MAGI2: variants seen among roughly 807,000 people sequenced by gnomAD.
MAGI2 encodes membrane associated guanylate kinase, WW and PDZ domain containing 2, also known as membrane-associated guanylate kinase, WW and PDZ domain-containing protein 2.
MAGI2 carries 35 observed loss-of-function variants against 133.3 expected under a neutral mutation model. That is an observed-to-expected ratio of 0.26 (90% CI 0.20 to 0.35). The LOEUF is 0.35. MAGI2 is among the 10% of genes least tolerant of loss of function. MAGI2 has a pLI of 1.00. For synonymous variants in MAGI2, 729 were observed against 710.6 expected (o/e 1.03, Z -0.41); for missense variants, 1,636 against 1,863.4 (o/e 0.88, Z 2.25).
chr7:79,030,844 A>G (rs1481949993), intron 1 of MAGI2, among the ~76,000 whole-genome samples: 1 of 152,196 alleles, frequency 6.6e-6, no homozygotes, highest in Non-Finnish European at 1.5e-5. Flanking sequence ...GATTATTTAT[A>G]TACAGCACTG....
chr7:78,301,322 A>G (rs1797801675), intron 9 of MAGI2, among the ~76,000 whole-genome samples: 1 of 152,224 alleles, frequency 6.6e-6, no homozygotes, highest in Non-Finnish European at 1.5e-5. Flanking sequence ...AATTTCAGAA[A>G]AAAAACCCTT....
chr7:79,259,423 T>G (rs1296785398), intron 1 of MAGI2, among the ~76,000 whole-genome samples: 1 of 152,216 alleles, frequency 6.6e-6, no homozygotes, highest in Non-Finnish European at 1.5e-5. Flanking sequence ...AATAATTTCT[T>G]ATGCATCATC....
At chr7:79,340,784 C>T (rs572669523) in intron 1 of MAGI2, among the ~76,000 whole-genome samples, 2 of 152,096 alleles carry the variant, frequency 1.3e-5, no homozygotes, top group East Asian at 3.9e-4. Context: ...CCAGAAGTGC[C>T]TTTGGGCTTC....
intron 4 of MAGI2, 29 bp from the exon 5 acceptor site, chr7:78,501,816 T>C (rs772882477): frequency 6.4e-7 from 1 of 1,560,036 alleles, no homozygotes; most frequent in South Asian, 1.1e-5. Context: ...ACGTGGTTAG[T>C]CACTCCAACC....
chr7:79,077,502 C>T (rs1490856177), intron 1 of MAGI2, among the ~76,000 whole-genome samples: 2 of 144,352 alleles, frequency 1.4e-5, no homozygotes, highest in Non-Finnish European at 3.0e-5. Flanking sequence ...GTGAACCTGG[C>T]CGGTGGAGCT....
chr7:78,121,403 T>C (rs1820464300), intron 20 of MAGI2, among the ~76,000 whole-genome samples: 1 of 152,098 alleles, frequency 6.6e-6, no homozygotes, highest in Non-Finnish European at 1.5e-5. Context: ...ATAATCAACA[T>C]GAAGAAATAT....
Position 78,521,493 on chromosome 7 carries a change from G to A in MAGI2, c.691C>T (p.Pro231Ser), listed in dbSNP as rs770706760. ...VSNMEKASIEPPEEEEEERPV... is the reference protein window; with the variant it reads ...VSNMEKASIESPEEEEEERPV... ...CTCTCTTCCTCTTCCTCCTCAGGAG[G>A]CTCTATACTGGCTTTCTCCATGTTG... Residue 231 changes from proline (P) to serine (S), a missense_variant, in exon 4 of 22, where the codon CCT becomes TCT. Pro to Ser is a moderately conservative substitution (Grantham distance 74). Transcript: ENST00000354212. The A allele has an allele frequency of 3.7e-6, 6 of 1,613,892 alleles. No homozygotes were observed. The African/African-American group carries it at 5.3e-5, about 14-fold the overall frequency.
At chr7:79,039,232 T>C (rs757414893) in intron 1 of MAGI2, among the ~76,000 whole-genome samples, 1 of 152,136 alleles carries the variant, frequency 6.6e-6, no homozygotes, top group Non-Finnish European at 1.5e-5. Context: ...CCTGCCGCCA[T>C]GTGAAGGACA....
intron 1 of MAGI2, among the ~76,000 whole-genome samples, chr7:79,222,379 A>G (rs1345804115): frequency 6.6e-6 from 1 of 152,112 alleles, no homozygotes; most frequent in African/African-American, 2.4e-5. Flanking sequence ...TTATTTATAC[A>G]CTTTGAAGAA....
rs751309153 is a variant in MAGI2 at position 78,369,187 on chromosome 7, C to T, written c.1072G>A (p.Asp358Asn). ...NELPYGWEKIDDPIYGTYYVD... is the reference protein window; with the variant it reads ...NELPYGWEKINDPIYGTYYVD... ...TAATAAGTGCCATAAATGGGATCAT[C>T]GATTTTTTCCCAGCCATATGGAAGC... is the stretch of plus-strand genomic sequence containing the variant. The change falls in exon 7 of 22, where the codon GAT becomes AAT. Residue 358 changes from aspartate to asparagine, a missense_variant. By Grantham distance (23) the Asp-to-Asn change is conservative. This residue lies in a region of MAGI2 where 920 missense variants were observed against 1,093.5 expected (regional missense o/e 0.84). Coordinates refer to ENST00000354212, the MANE Select transcript of MAGI2 (RefSeq NM_012301.4). 1.9e-6 allele frequency: 3 copies of T among 1,602,840 alleles called. No homozygotes were observed. Among genetic ancestry groups the T allele is most frequent in the East Asian group, 2.2e-5 (1 of 44,642 alleles).
At chr7:79,011,788 A>ATATTT (rs1207027070) in intron 1 of MAGI2, among the ~76,000 whole-genome samples, 1 of 152,024 alleles carries the variant, frequency 6.6e-6, no homozygotes, top group African/African-American at 2.4e-5. Context: ...ACTGTGGTGA[A>ATATTT]TATTTAATTT....
At chr7:78,109,947 C>A (rs1007174264) in intron 20 of MAGI2, among the ~76,000 whole-genome samples, 6 of 152,146 alleles carry the variant, frequency 3.9e-5, no homozygotes, top group African/African-American at 1.4e-4. Flanking sequence ...CAGAAAGACA[C>A]AGACTGAAGC....
chr7:78,354,613 C>A (rs1791871936), intron 7 of MAGI2, among the ~76,000 whole-genome samples: 1 of 152,096 alleles, frequency 6.6e-6, no homozygotes, highest in South Asian at 2.1e-4. Flanking sequence ...TTCCAGGTTT[C>A]CAAGACCAAC....
At chr7:78,734,506 A>G (rs879399404) in intron 2 of MAGI2, among the ~76,000 whole-genome samples, 2 of 151,812 alleles carry the variant, frequency 1.3e-5, no homozygotes, top group Admixed American at 6.6e-5. Context: ...TCAATAATTC[A>G]CCCCCTCTGT....
At chr7:78,155,298 C>T (rs907363941) in intron 16 of MAGI2, among the ~76,000 whole-genome samples, 1 of 152,132 alleles carries the variant, frequency 6.6e-6, no homozygotes, top group African/African-American at 2.4e-5. Context: ...CAGGATGCTT[C>T]CCTGTTCTCA....
intron 1 of MAGI2, among the ~76,000 whole-genome samples, chr7:79,292,244 G>A (rs1236712358): frequency 6.6e-6 from 1 of 151,920 alleles, no homozygotes; most frequent in Admixed American, 6.6e-5. Flanking sequence ...ACATTTCATT[G>A]GTCTGTATAC....
At chr7:78,798,215 G>A (rs73367883) in intron 2 of MAGI2, among the ~76,000 whole-genome samples, 6,460 of 152,208 alleles carry the variant, frequency 0.042, 399 homozygotes, top group African/African-American at 0.14. Flanking sequence ...TGAAAACTAT[G>A]TATTTCTATG....
chr7:79,393,816 G>A lies in MAGI2; in HGVS notation c.301+59204C>T, dbSNP rs1844844971. On this transcript the variant is annotated intron_variant, in intron 1 of 21. Coordinates refer to ENST00000354212, the MANE Select transcript of MAGI2 (RefSeq NM_012301.4). ...CTGGCCACATTTTACTATTTTAACT[G>A]CAAAAAACACAGGCAGTTCCCGCTT... Among the ~76,000 whole-genome samples, 3 of 152,074 alleles carry A rather than the reference G, an allele frequency of 2.0e-5. No individual in the cohort carries two copies. The South Asian group carries it at 6.2e-4, about 31-fold the overall frequency.
At chr7:78,313,515 C>A (rs798291) in intron 9 of MAGI2, among the ~76,000 whole-genome samples, 39,636 of 151,682 alleles carry the variant, frequency 0.26, 5,493 homozygotes, top group African/African-American at 0.33. Flanking sequence ...AACAATGATA[C>A]CAACACAAAA....
Sources: allele counts gnomAD v4.1 joint callset (sites outside exome capture counted in the v4.1 genomes callset), GRCh38; gene constraint gnomAD v4.1.1; regional missense constraint gnomAD v4.1.1; transcripts MANE v1.5; gene names NCBI Gene and HGNC (gene_info 2026-07-23, HGNC 2026-07-21).